Variants in PCDHGA5 observed in about 807,000 individuals in gnomAD.
PCDHGA5 encodes the protein protocadherin gamma-A5.
Under a neutral mutation model 56.7 loss-of-function variants are expected in PCDHGA5, and 36 were observed. The ratio of observed to expected loss-of-function variants is 0.64; its 90% CI spans 0.49 to 0.84. The LOEUF (loss-of-function observed/expected upper bound fraction) is 0.84, where lower values mean the gene tolerates loss of function less well. PCDHGA5 is among the 40% of genes least tolerant of loss of function. The pLI is 0.00. For missense variants in PCDHGA5, 1,305 were observed against 1,201.5 expected (o/e 1.09, Z -1.27); for synonymous variants, 563 against 520.2 (o/e 1.08, Z -1.12).
chr5:141,429,751 A>AT (rs2097241304), intron 1 of PCDHGA5, among the ~76,000 whole-genome samples: 1 of 152,110 alleles, frequency 6.6e-6, no homozygotes, highest in African/African-American at 2.4e-5. Flanking sequence ...CTTAGGGAGA[A>AT]TTTTTTCCCT....
At chr5:141,403,414 T>C (rs373392812) in intron 1 of PCDHGA5, 142 of 1,613,926 alleles carry the variant, frequency 8.8e-5, no homozygotes, top group Middle Eastern at 1.6e-4. Context: ...GTTATCCACT[T>C]CCAGAAGCTA....
chr5:141,460,834 A>G (rs757757290), intron 1 of PCDHGA5, among the ~76,000 whole-genome samples: 11 of 151,874 alleles, frequency 7.2e-5, no homozygotes, highest in Non-Finnish European at 1.3e-4. Context: ...CACTTAAAGT[A>G]ATGGCCTCCA....
chr5:141,443,166 C>T (rs914863821), intron 1 of PCDHGA5, among the ~76,000 whole-genome samples: 2 of 152,124 alleles, frequency 1.3e-5, no homozygotes, highest in African/African-American at 4.8e-5. Context: ...ATTTCCCTAC[C>T]CATGTCCACT....
rs1444897635 is a variant in PCDHGA5 at position 141,366,887 on chromosome 5, A to G, written c.2421+136A>G. ...GCTGTATTGGAGATTAATTTTTTTT[A>G]TATAATTCATGCTTTCTCCATTTGT... On this transcript the variant is annotated intron_variant, in intron 1 of 3. Coordinates refer to ENST00000518069, the MANE Select transcript of PCDHGA5 (RefSeq NM_018918.3). 3.2e-6 allele frequency: 4 copies of G among 1,269,488 alleles called. No homozygotes were observed. The South Asian group carries it at 4.6e-5, about 15-fold the overall frequency. 78.6% of individuals were successfully genotyped at this position (1,269,488 alleles called of 1,614,324 possible).
In PCDHGA5 at chr5:141,423,390, T is replaced by C. The variant is rs751337994; in HGVS notation, c.2421+56639T>C. ...TGGCACTCAGGCTGTGGCGCTGGCATAAGTCACGCCTGCTGCAGGCTTCTG... is the reference window on the plus strand; with the variant it reads ...TGGCACTCAGGCTGTGGCGCTGGCACAAGTCACGCCTGCTGCAGGCTTCTG... On this transcript the variant is annotated intron_variant, in intron 1 of 3. Coordinates refer to ENST00000518069, the MANE Select transcript of PCDHGA5 (RefSeq NM_018918.3). 2.5e-6 allele frequency: 4 copies of C among 1,614,144 alleles called. No homozygotes were observed. In the South Asian group the frequency reaches 3.3e-5, roughly 13 times the overall value.
At chr5:141,494,524 C>T (rs2099754936) in intron 1 of PCDHGA5, among the ~76,000 whole-genome samples, 1 of 152,156 alleles carries the variant, frequency 6.6e-6, no homozygotes, top group African/African-American at 2.4e-5. Flanking sequence ...GGAGTTCTGA[C>T]TCTGGGGGCA....
chr5:141,409,409 A>C, intron 1 of PCDHGA5: 4 of 1,614,046 alleles, frequency 2.5e-6, no homozygotes, highest in Non-Finnish European at 3.4e-6. Flanking sequence ...TAACTACTAC[A>C]AACTGGTGAC....
chr5:141,384,217 A>G lies in PCDHGA5; in HGVS notation c.2421+17466A>G, dbSNP rs1026607669. 6 of 1,613,776 alleles carry G rather than the reference A, an allele frequency of 3.7e-6. No homozygotes were observed. The African/African-American group carries it at 8.0e-5, about 22-fold the overall frequency. On this transcript the variant is annotated intron_variant, in intron 1 of 3. Coordinates refer to ENST00000518069, the MANE Select transcript of PCDHGA5 (RefSeq NM_018918.3). The stretch of plus-strand genomic sequence containing the variant: ...CTTGTCCAGGGAAACTCACATATTC[A>G]TGCAGGTGGCAGACACCAACGATAA...
At chr5:141,373,933 A>G (rs1769964265) in intron 1 of PCDHGA5, 3 of 692,378 alleles carry the variant, frequency 4.3e-6, no homozygotes, top group South Asian at 3.7e-5. Context: ...ACGGGAAAGC[A>G]GGAAAGCTGT....
At chr5:141,408,375 T>A in intron 1 of PCDHGA5, 1 of 1,613,972 alleles carries the variant, frequency 6.2e-7, no homozygotes, top group Non-Finnish European at 8.5e-7. Context: ...GGGCTCAGTG[T>A]CCTGGATGTG....
rs1219045744 is a variant in PCDHGA5 at position 141,476,783 on chromosome 5, G to T, written c.2422-18024G>T. The stretch of plus-strand genomic sequence containing the variant: ...GACGGCGTTGGACGGAGGGACCCCA[G>T]CTCTCTCCGCCAGCCTGCCTATTCA... On this transcript the variant is annotated intron_variant, in intron 1 of 3. Transcript: ENST00000518069. The surrounding 1 kb of genome is among the most constrained non-coding windows in gnomAD (Gnocchi z 7.6). 5 of 1,613,392 alleles carry T rather than the reference G, an allele frequency of 3.1e-6. No homozygotes were observed. The highest frequency in any genetic ancestry group is 2.7e-5 in the African/African-American group (2 of 74,930).
chr5:141,375,378 T>G, intron 1 of PCDHGA5: 1 of 1,613,954 alleles, frequency 6.2e-7, no homozygotes, highest in Non-Finnish European at 8.5e-7. Context: ...ACACCACCTC[T>G]GTCTACAGAA....
rs751303366 is a variant in PCDHGA5, at chr5:141,365,131, G to A, written c.801G>A (p.Thr267=). ...VGTRLLMLTA[T]DPDEGINGKL... is the part of the protein sequence containing the mutation. ...CTCGGCTGCTCATGCTAACCGCCACGGATCCAGATGAGGGAATAAACGGGA... is the reference window on the plus strand; with the variant it reads ...CTCGGCTGCTCATGCTAACCGCCACAGATCCAGATGAGGGAATAAACGGGA... The change falls in exon 1 of 4, where the codon ACG becomes ACA. Residue 267 remains threonine, a synonymous_variant. Transcript: ENST00000518069. The A allele has an allele frequency of 1.2e-6, 2 of 1,613,854 alleles. No individual in the cohort carries two copies. Among genetic ancestry groups the A allele is most frequent in the East Asian group, 2.2e-5 (1 of 44,886 alleles).
chr5:141,425,934 G>A lies in PCDHGA5; in HGVS notation c.2421+59183G>A, dbSNP rs1237431530. Among the ~76,000 whole-genome samples, 4 of 152,352 alleles carry A rather than the reference G, an allele frequency of 2.6e-5. 1 individual carries two copies. Among genetic ancestry groups the A allele is most frequent in the East Asian group, 1.9e-4 (1 of 5,188 alleles). On this transcript the variant is annotated intron_variant, in intron 1 of 3. Coordinates refer to ENST00000518069, the MANE Select transcript of PCDHGA5 (RefSeq NM_018918.3). ...CAGTCACTACGAAAACTCATAAAAT[G>A]TCTAGTTTCCTATACATTAGTCCAA...
In PCDHGA5 at chr5:141,408,807, G is replaced by A. The variant is rs372007066; in HGVS notation, c.2421+42056G>A. On this transcript the variant is annotated intron_variant, in intron 1 of 3. Transcript: ENST00000518069. ...TTATCTCTGGAGAAACTCCTAGACCGGGAAGAACAGAGATCTCATAGCTTG... is the reference window on the plus strand; with the variant it reads ...TTATCTCTGGAGAAACTCCTAGACCAGGAAGAACAGAGATCTCATAGCTTG... 1.2e-5 allele frequency: 20 copies of A among 1,612,986 alleles called. No homozygotes were observed. Among genetic ancestry groups the A allele is most frequent in the Middle Eastern group, 1.6e-4 (1 of 6,084 alleles).
rs777168071 is a variant in PCDHGA5 at position 141,477,745 on chromosome 5, C to A, written c.2422-17062C>A. The A allele has an allele frequency of 5.0e-6, 8 of 1,613,682 alleles. No homozygotes were observed. The highest frequency in any genetic ancestry group is 6.8e-6 in the Non-Finnish European group (8 of 1,180,042). On this transcript the variant is annotated intron_variant, in intron 1 of 3. Transcript: ENST00000518069. The surrounding 1 kb of genome is among the most constrained non-coding windows in gnomAD (Gnocchi z 4.9). ...TAACAGCTCATATCAGCGATGGGGG[C>A]ACCCCGGTCCTAGCCACCAACATCA...
At chr5:141,389,463 GA>G in intron 1 of PCDHGA5, 1 of 1,613,310 alleles carries the variant, frequency 6.2e-7, no homozygotes, top group Non-Finnish European at 8.5e-7. Context: ...GCGCGCCTTC[GA>G]ACTCACACTG....
Position 141,486,829 on chromosome 5 carries a change from T to A in PCDHGA5, c.2422-7978T>A. 1 of 1,614,178 alleles carries A rather than the reference T, an allele frequency of 6.2e-7. No individual in the cohort carries two copies. On this transcript the variant is annotated intron_variant, in intron 1 of 3. Coordinates refer to ENST00000518069, the MANE Select transcript of PCDHGA5 (RefSeq NM_018918.3). The surrounding 1 kb of genome is among the most constrained non-coding windows in gnomAD (Gnocchi z 5.0). ...CCCTTAGCAGCACTGTAACAGTTCG[T>A]CTATTTGTGCTGGACCTCAATGACA...
At chr5:141,402,859 G>A (rs1314987043) in intron 1 of PCDHGA5, 8 of 1,428,738 alleles carry the variant, frequency 5.6e-6, no homozygotes, top group Non-Finnish European at 7.4e-6. Flanking sequence ...TTCTTCTAAG[G>A]AAAAGATCAC....
Sources: allele counts gnomAD v4.1 joint callset (sites outside exome capture counted in the v4.1 genomes callset), GRCh38; gene constraint gnomAD v4.1.1; non-coding constraint Gnocchi (gnomAD v3.1); transcripts MANE v1.5; gene names NCBI Gene and HGNC (gene_info 2026-07-23, HGNC 2026-07-21).